DLG2: variants seen among roughly 807,000 people sequenced by gnomAD.
The protein encoded by DLG2 is discs large MAGUK scaffold protein 2, also known as disks large homolog 2.
Under a neutral mutation model 132.5 loss-of-function variants are expected in DLG2, and 45 were observed. The observed-to-expected ratio is 0.34, with a 90% CI of 0.27 to 0.44. The LOEUF (loss-of-function observed/expected upper bound fraction) is 0.44. Among genes scored for constraint, DLG2 ranks in the 20% least tolerant of loss-of-function variants. DLG2 has a pLI of 1.00. For synonymous variants in DLG2, 424 were observed against 419.6 expected (o/e 1.01, Z -0.13); for missense variants, 1,045 against 1,196.9 (o/e 0.87, Z 1.87).
intron 19 of DLG2, among the ~76,000 whole-genome samples, chr11:83,558,916 A>T (rs1348664448): frequency 1.3e-5 from 2 of 149,876 alleles, no homozygotes; most frequent in Non-Finnish European, 3.0e-5. Context: ...CCCTCCATCA[A>T]CGAGATTCTC....
At chr11:85,514,739 T>C (rs1465345761) in intron 3 of DLG2, among the ~76,000 whole-genome samples, 1 of 151,886 alleles carries the variant, frequency 6.6e-6, no homozygotes, top group Non-Finnish European at 1.5e-5. Flanking sequence ...AAATGTCTCT[T>C]TCTGTTGCTT....
At chr11:83,842,521 CTCAAAA>C (rs1182677556) in intron 16 of DLG2, among the ~76,000 whole-genome samples, 113 of 58,344 alleles carry the variant, frequency 1.9e-3, no homozygotes, top group Middle Eastern at 0.016. Flanking sequence ...TTGAACCTGT[CTCAAAA>C]AAAAAAAAAA....
At chr11:83,912,892 C>T (rs79392547) in intron 15 of DLG2, among the ~76,000 whole-genome samples, 2,797 of 152,114 alleles carry the variant, frequency 0.018, 91 homozygotes, top group African/African-American at 0.063. Flanking sequence ...AGTATGCCCG[C>T]GGCTTTGTCA....
intron 19 of DLG2, among the ~76,000 whole-genome samples, chr11:83,560,778 T>C (rs1366669631): frequency 6.6e-6 from 1 of 152,192 alleles, no homozygotes; most frequent in Non-Finnish European, 1.5e-5. Context: ...GAAAAAACTA[T>C]TTCCCACCAA....
intron 6 of DLG2, among the ~76,000 whole-genome samples, chr11:84,842,149 A>G (rs2080778544): frequency 6.6e-6 from 1 of 151,998 alleles, no homozygotes; most frequent in Non-Finnish European, 1.5e-5. Context: ...GAATCATGAG[A>G]TCAAGAGGGA....
intron 15 of DLG2, among the ~76,000 whole-genome samples, chr11:83,888,328 C>T (rs1232999036): frequency 2.0e-5 from 3 of 152,154 alleles, no homozygotes; most frequent in Non-Finnish European, 4.4e-5. Flanking sequence ...AGAGCCAAAT[C>T]ATGAGTGAAC....
At chr11:84,499,064 A>G (rs2099194316) in intron 7 of DLG2, among the ~76,000 whole-genome samples, 4 of 152,246 alleles carry the variant, frequency 2.6e-5, no homozygotes, top group Admixed American at 2.0e-4. Context: ...TAACTTGTTT[A>G]AACATAAAGG....
intron 6 of DLG2, among the ~76,000 whole-genome samples, chr11:84,762,805 G>A (rs371638030): frequency 6.6e-6 from 1 of 152,142 alleles, no homozygotes. Context: ...AGCATTCACA[G>A]TGAGGATCTA....
At chr11:84,759,112 A>C (rs2067269578) in intron 6 of DLG2, among the ~76,000 whole-genome samples, 1 of 152,134 alleles carries the variant, frequency 6.6e-6, no homozygotes. Flanking sequence ...TCCTGGCCTC[A>C]AGCAATCTAC....
intron 15 of DLG2, among the ~76,000 whole-genome samples, chr11:83,881,066 C>T (rs1170190097): frequency 1.2e-4 from 18 of 151,700 alleles, no homozygotes; most frequent in Non-Finnish European, 8.8e-5. Context: ...TGATAAAAAC[C>T]GTGATTACTT....
chr11:83,611,094 T>C (rs2060048274), intron 19 of DLG2, among the ~76,000 whole-genome samples: 1 of 152,214 alleles, frequency 6.6e-6, no homozygotes, highest in Non-Finnish European at 1.5e-5. Context: ...TAAAAGTCAG[T>C]ATTTTACAAA....
chr11:85,096,754 G>T (rs188940186), intron 6 of DLG2, among the ~76,000 whole-genome samples: 3 of 150,742 alleles, frequency 2.0e-5, no homozygotes, highest in African/African-American at 7.3e-5. Flanking sequence ...GACCCTTTTC[G>T]CTTGCCATTC....
intron 19 of DLG2, among the ~76,000 whole-genome samples, chr11:83,613,716 T>C (rs552244805): frequency 1.6e-4 from 25 of 152,228 alleles, no homozygotes; most frequent in Admixed American, 1.5e-3. Context: ...TTTAAAGAAA[T>C]GATTATTTTC....
intron 3 of DLG2, among the ~76,000 whole-genome samples, chr11:85,521,108 C>A (rs1461446132): frequency 6.6e-6 from 1 of 152,188 alleles, no homozygotes; most frequent in Non-Finnish European, 1.5e-5. Context: ...TATCTGCAAA[C>A]TATCTGATGT....
chr11:83,786,258 C>A (rs942171894), intron 18 of DLG2, among the ~76,000 whole-genome samples: 23 of 152,116 alleles, frequency 1.5e-4, no homozygotes, highest in African/African-American at 4.8e-4. Context: ...CAATCAAGCA[C>A]CCCCAAAAGC....
chr11:84,083,537 G>A (rs1206752264), intron 10 of DLG2, among the ~76,000 whole-genome samples: 1 of 152,184 alleles, frequency 6.6e-6, no homozygotes, highest in Admixed American at 6.5e-5. Flanking sequence ...ACAGGTGATT[G>A]GGTCATTCGG....
rs116422630 is a variant in DLG2 at position 84,661,830 on chromosome 11, C to G, written c.358-127099G>C. Among the ~76,000 whole-genome samples the G allele has an allele frequency of 2.9e-3, 437 of 152,098 alleles. 1 individual carries two copies. The highest frequency in any genetic ancestry group is 0.01 in the African/African-American group (416 of 41,492). On this transcript the variant is annotated intron_variant, in intron 6 of 27. Coordinates refer to ENST00000376104, the MANE Select transcript of DLG2 (RefSeq NM_001142699.3). ...AAAGTCCTTGATCATTAAAGATGTT[C>G]AATATAAATGTTTATATATTGACCA...
intron 4 of DLG2, among the ~76,000 whole-genome samples, chr11:85,258,260 A>G (rs2076767421): frequency 6.6e-6 from 1 of 152,188 alleles, no homozygotes; most frequent in African/African-American, 2.4e-5. Context: ...AGTCCTCTCC[A>G]CTATTTCTTA....
chr11:85,106,374 A>G (rs2152299229), intron 6 of DLG2, among the ~76,000 whole-genome samples: 1 of 152,168 alleles, frequency 6.6e-6, no homozygotes, highest in Admixed American at 6.6e-5. Flanking sequence ...CCTGCCAGTC[A>G]TAGAACAAAA....
Sources: allele counts gnomAD v4.1 joint callset (sites outside exome capture counted in the v4.1 genomes callset), GRCh38; gene constraint gnomAD v4.1.1; transcripts MANE v1.5; gene names NCBI Gene and HGNC (gene_info 2026-07-23, HGNC 2026-07-21).